The following PTK2 variants were observed in gnomAD, a reference collection of about 807,000 sequenced individuals.
PTK2 encodes protein tyrosine kinase 2.
PTK2 carries 45 observed loss-of-function variants against 150.1 expected under a neutral mutation model. The ratio of observed to expected loss-of-function variants is 0.30; its 90% CI spans 0.24 to 0.38. PTK2 has a LOEUF of 0.38. Among genes scored for constraint, PTK2 ranks in the 10% least tolerant of loss-of-function variants. PTK2 has a pLI of 1.00. For synonymous variants in PTK2, 432 were observed against 449.2 expected (o/e 0.96, Z 0.48); for missense variants, 919 against 1,307.3 (o/e 0.70, Z 4.58).
intron 2 of PTK2, chr8:140,909,493 C>A (rs751913876): frequency 4.6e-5 from 7 of 152,146 alleles, no homozygotes; most frequent in Non-Finnish European, 7.4e-5. Flanking sequence ...TAGCACATAT[C>A]ATGAAAAGCT....
chr8:140,914,986 T>A (rs1028513845), intron 2 of PTK2, among the ~76,000 whole-genome samples: 8 of 123,806 alleles, frequency 6.5e-5, no homozygotes, highest in Non-Finnish European at 1.1e-4. Flanking sequence ...TGAGCCGAGA[T>A]CACGCCATTG....
intron 1 of PTK2, among the ~76,000 whole-genome samples, chr8:140,971,724 C>T (rs1160554530): frequency 2.0e-5 from 3 of 152,158 alleles, no homozygotes; most frequent in Non-Finnish European, 4.4e-5. Flanking sequence ...ATATACTTCT[C>T]GTATGTGAAA....
intron 25 of PTK2, among the ~76,000 whole-genome samples, chr8:140,702,128 C>CAAAAAAAAAAAAAAAAAAAAAAAAAA (rs749591009): frequency 2.3e-5 from 1 of 42,714 alleles, no homozygotes; most frequent in Non-Finnish European, 4.0e-5. Context: ...ACTCTGTCTC[C>CAAAAAAAAAAAAAAAAAAAAAAAAAA]AAAAAAAAAA....
At chr8:140,820,439 T>C (rs2100107807) in intron 8 of PTK2, among the ~76,000 whole-genome samples, 1 of 152,046 alleles carries the variant, frequency 6.6e-6, no homozygotes, top group African/African-American at 2.4e-5. Flanking sequence ...GCCACTGTGT[T>C]GTGAACAGTA....
chr8:140,887,801 T>A (rs951201602), intron 3 of PTK2, among the ~76,000 whole-genome samples: 1 of 152,202 alleles, frequency 6.6e-6, no homozygotes, highest in Non-Finnish European at 1.5e-5. Flanking sequence ...TCATAACACA[T>A]TGATATATTT....
exon 4 of PTK2, chr8:140,879,618 A>G (rs2100147720): frequency 2.7e-6 from 4 of 1,461,184 alleles, no homozygotes; most frequent in Non-Finnish European, 3.7e-6. Flanking sequence ...GTGACTGTCC[A>G]CTATCTTCTG....
chr8:140,920,447 T>C (rs2100166978), intron 2 of PTK2, among the ~76,000 whole-genome samples: 1 of 152,140 alleles, frequency 6.6e-6, no homozygotes, highest in Non-Finnish European at 1.5e-5. Flanking sequence ...AGAAAATACA[T>C]GTTACTCTTA....
chr8:140,690,963 A>G (rs1412264526), intron 26 of PTK2, among the ~76,000 whole-genome samples: 2 of 152,222 alleles, frequency 1.3e-5, no homozygotes, highest in African/African-American at 4.8e-5. Flanking sequence ...CAGTAATTGT[A>G]ACCAACACAT....
At chr8:140,819,166 T>A in intron 8 of PTK2, 146 bp from the exon 9 acceptor site, 2 of 805,396 alleles carry the variant, frequency 2.5e-6, no homozygotes, top group Admixed American at 3.4e-5. Flanking sequence ...CAAATAACTA[T>A]AAATGTATTT....
chr8:140,942,265 G>T (rs1435006766), intron 1 of PTK2, among the ~76,000 whole-genome samples: 1 of 152,142 alleles, frequency 6.6e-6, no homozygotes, highest in African/African-American at 2.4e-5. Context: ...AAAAGATGGA[G>T]CTGAAGACTG....
At chr8:140,831,815 T>A (rs1409746779) in intron 7 of PTK2, among the ~76,000 whole-genome samples, 1 of 152,210 alleles carries the variant, frequency 6.6e-6, no homozygotes. Context: ...TTATCTATTT[T>A]GACAGTTGGA....
chr8:140,882,971 A>G (rs1424429666), intron 3 of PTK2, among the ~76,000 whole-genome samples: 2 of 152,286 alleles, frequency 1.3e-5, no homozygotes, highest in Admixed American at 6.5e-5. Flanking sequence ...TGACCAAAAA[A>G]ACTTCCACAG....
intron 22 of PTK2, among the ~76,000 whole-genome samples, chr8:140,719,041 TGGCGCGTGCC>T (rs1245941843): frequency 6.6e-6 from 1 of 151,980 alleles, no homozygotes; most frequent in Non-Finnish European, 1.5e-5. Context: ...CCCGGTGTGG[TGGCGCGTGCC>T]TGTAGTTCCA....
chr8:140,786,565 C>T (rs1040391751), intron 14 of PTK2, among the ~76,000 whole-genome samples: 12 of 152,012 alleles, frequency 7.9e-5, no homozygotes, highest in African/African-American at 2.9e-4. Flanking sequence ...AAGATAGAAA[C>T]ATATCACACC....
At chr8:140,844,776 T>A (rs1470324737) in intron 7 of PTK2, among the ~76,000 whole-genome samples, 2 of 152,234 alleles carry the variant, frequency 1.3e-5, no homozygotes, top group Admixed American at 6.5e-5. Context: ...AGACTTTTTT[T>A]AATGCTACTG....
At chr8:140,687,168 C>T (rs368758363) in intron 26 of PTK2, 4 of 160,488 alleles carry the variant, frequency 2.5e-5, no homozygotes, top group African/African-American at 4.8e-5. Flanking sequence ...CTAGATTTTA[C>T]GTAAATAATA....
chr8:140,879,243 C>A, intron 4 of PTK2: 1 of 397,928 alleles, frequency 2.5e-6, no homozygotes, highest in Non-Finnish European at 4.3e-6. Context: ...AAGACCATCA[C>A]AGAAAACGGA....
At chr8:140,713,787 A>T (rs1228550061) in intron 23 of PTK2, among the ~76,000 whole-genome samples, 1 of 152,206 alleles carries the variant, frequency 6.6e-6, no homozygotes, top group Non-Finnish European at 1.5e-5. Context: ...ATTGGTATTA[A>T]GTATGATGAA....
At chr8:140,674,236 G>T in intron 29 of PTK2, 62 bp downstream of exon 32, 1 of 1,461,748 alleles carries the variant, frequency 6.8e-7, no homozygotes. Context: ...CACATCAACT[G>T]AGAACTAGGG....
Sources: gnomAD v4.1 joint callset for allele counts (sites outside exome capture counted in the v4.1 genomes callset) on GRCh38, gnomAD v4.1.1 for gene constraint, MANE v1.5 for transcripts, NCBI Gene and HGNC (gene_info 2026-07-23, HGNC 2026-07-21) for gene names.